Variants in ARL15 observed in about 807,000 individuals in gnomAD.
The protein encoded by ARL15 is ARF like GTPase 15.
ARL15 carries 19 observed loss-of-function variants against 25.2 expected under a neutral mutation model. The observed-to-expected ratio is 0.75, with a 90% CI of 0.53 to 1.10. ARL15 has a LOEUF of 1.10. ARL15 is among the 50% of genes least tolerant of loss of function. The probability of loss-of-function intolerance (pLI) is 0.00; values close to 1 mark genes in which losing one functional copy is unlikely to be tolerated. For synonymous variants in ARL15, 94 were observed against 86.8 expected (o/e 1.08, Z -0.46); for missense variants, 220 against 246.0 (o/e 0.89, Z 0.71).
chr5:53,980,312 C>T (rs982877237), intron 4 of ARL15, among the ~76,000 whole-genome samples: 1 of 152,132 alleles, frequency 6.6e-6, no homozygotes, highest in South Asian at 2.1e-4. Context: ...ATTTGCATTA[C>T]CTTTTTTGAT....
In ARL15 at chr5:53,973,467, G is replaced by A. The variant is rs182558813; in HGVS notation, c.463-86754C>T. On this transcript the variant is annotated intron_variant, in intron 4 of 4. Transcript: ENST00000504924. ...CGGGCGCCTGTAATTCCACCTACTC[G>A]GAAGGCTGAGGCAGGAGAATCACTT... Among the ~76,000 whole-genome samples, 737 of 151,824 alleles carry A rather than the reference G, an allele frequency of 4.9e-3. 3 individuals carry two copies. The highest frequency in any genetic ancestry group is 8.5e-3 in the Admixed American group (130 of 15,254).
chr5:54,146,067 T>A (rs1162607006), intron 3 of ARL15, among the ~76,000 whole-genome samples: 1 of 152,184 alleles, frequency 6.6e-6, no homozygotes, highest in African/African-American at 2.4e-5. Context: ...CACACCAGAC[T>A]GTAATGCTTC....
chr5:53,982,500 GC>G (rs1258276370), intron 4 of ARL15, among the ~76,000 whole-genome samples: 1 of 152,030 alleles, frequency 6.6e-6, no homozygotes, highest in Non-Finnish European at 1.5e-5. Flanking sequence ...CCATGTCCCT[GC>G]AAAGGACATG....
At position 54,071,521 on chromosome 5, in the gene ARL15, C is replaced by G. The variant is rs1296595171; in HGVS notation, c.462+41681G>C. 3.2e-3 allele frequency among the ~76,000 whole-genome samples: 358 copies of G among 112,240 alleles called. 4 individuals carry two copies. Among genetic ancestry groups the G allele is most frequent in the African/African-American group, 0.013 (289 of 22,304 alleles). 73.6% of individuals were successfully genotyped at this position (112,240 alleles called of 152,430 possible). On this transcript the variant is annotated intron_variant, in intron 4 of 4. Transcript: ENST00000504924. The stretch of plus-strand genomic sequence containing the variant: ...TCTTCCACCGCCTTTCCCCCCCCCC[C>G]CCCCGCAAAGCCAGACCCAACCTCT...
intron 3 of ARL15, among the ~76,000 whole-genome samples, chr5:54,128,934 C>A (rs1373225429): frequency 6.6e-6 from 1 of 151,896 alleles, no homozygotes. Context: ...CTCGATTTCC[C>A]AACCTCATGA....
chr5:54,274,193 T>C (rs1181420227), intron 1 of ARL15, among the ~76,000 whole-genome samples: 2 of 151,896 alleles, frequency 1.3e-5, no homozygotes. Context: ...TGAGCAGGTT[T>C]AGGGGCAGCA....
rs191927570 is a variant in ARL15 at position 54,302,607 on chromosome 5, A to G, written c.48+7825T>C. ...AGATGCCAGCCATGTATTTAGCGCT[A>G]GAAATCTGAACTGGCCTTATAAATT... On this transcript the variant is annotated intron_variant, in intron 1 of 4. Transcript: ENST00000504924. Among the ~76,000 whole-genome samples, 154 of 151,962 alleles carry G rather than the reference A, an allele frequency of 1.0e-3. 1 individual carries two copies. The highest frequency in any genetic ancestry group is 3.6e-3 in the African/African-American group (148 of 41,454).
At chr5:54,026,357 T>C (rs255760) in intron 4 of ARL15, among the ~76,000 whole-genome samples, 108,132 of 152,098 alleles carry the variant, frequency 0.71, 38,837 homozygotes, top group East Asian at 0.85. Context: ...CAGCCTTGAC[T>C]TCTCAGGCTC....
chr5:54,081,046 C>A (rs548978668), intron 4 of ARL15, among the ~76,000 whole-genome samples: 1 of 152,146 alleles, frequency 6.6e-6, no homozygotes, highest in Non-Finnish European at 1.5e-5. Flanking sequence ...CTTATGACCT[C>A]ATTTAGCCTT....
intron 3 of ARL15, among the ~76,000 whole-genome samples, chr5:54,132,268 A>C (rs1003854016): frequency 2.0e-5 from 3 of 152,110 alleles, no homozygotes; most frequent in Non-Finnish European, 4.4e-5. Flanking sequence ...GAAATATTTT[A>C]ATTCTCTCCA....
intron 4 of ARL15, among the ~76,000 whole-genome samples, chr5:54,065,483 T>C (rs1202222794): frequency 6.6e-6 from 1 of 152,016 alleles, no homozygotes; most frequent in African/African-American, 2.4e-5. Context: ...CTGGCCAACA[T>C]AGCGAAACCC....
chr5:53,917,454 C>T (rs1745689645), intron 4 of ARL15, among the ~76,000 whole-genome samples: 2 of 152,168 alleles, frequency 1.3e-5, no homozygotes, highest in South Asian at 4.1e-4. Flanking sequence ...AATCCCTCAA[C>T]ATTATCATCA....
chr5:53,986,505 G>A (rs1694065), intron 4 of ARL15, among the ~76,000 whole-genome samples: 2 of 151,934 alleles, frequency 1.3e-5, no homozygotes, highest in African/African-American at 4.8e-5. Context: ...TCCAGACATC[G>A]GATTACACTG....
intron 4 of ARL15, among the ~76,000 whole-genome samples, chr5:53,887,836 A>G (rs970501461): frequency 8.5e-5 from 13 of 152,172 alleles, no homozygotes; most frequent in Admixed American, 3.9e-4. Context: ...TGCCATGCTC[A>G]AATACGGTTT....
intron 4 of ARL15, among the ~76,000 whole-genome samples, chr5:53,936,160 T>C (rs755664270): frequency 6.6e-5 from 10 of 152,360 alleles, no homozygotes; most frequent in Middle Eastern, 3.4e-3. Flanking sequence ...AATGAAACTA[T>C]ATCTATCTTC....
chr5:54,035,585 A>G (rs1750142947), intron 4 of ARL15, among the ~76,000 whole-genome samples: 1 of 152,210 alleles, frequency 6.6e-6, no homozygotes, highest in African/African-American at 2.4e-5. Flanking sequence ...AAATTTGCAC[A>G]AATTTTCCAA....
intron 4 of ARL15, among the ~76,000 whole-genome samples, chr5:54,020,452 C>A (rs1015211885): frequency 1.3e-5 from 2 of 152,142 alleles, no homozygotes; most frequent in African/African-American, 4.8e-5. Context: ...TGCCTACCCA[C>A]CAGATGCCAA....
At chr5:54,238,373 A>G (rs1014500851) in intron 1 of ARL15, among the ~76,000 whole-genome samples, 1 of 152,074 alleles carries the variant, frequency 6.6e-6, no homozygotes, top group Middle Eastern at 3.2e-3. Context: ...ACAATCACAA[A>G]AAACAATAAG....
rs1197507523 is a variant in ARL15 at position 54,310,558 on chromosome 5, T to C, written c.-79A>G. 10 of 1,489,668 alleles carry C rather than the reference T, an allele frequency of 6.7e-6. No individual in the cohort carries two copies. Among genetic ancestry groups the C allele is most frequent in the Non-Finnish European group, 9.1e-6 (10 of 1,099,234 alleles). 92.3% of individuals were successfully genotyped at this position (1,489,668 alleles called of 1,614,324 possible). On this transcript the variant is annotated 5_prime_UTR_variant, in exon 1 of 5. Coordinates refer to ENST00000504924, the MANE Select transcript of ARL15 (RefSeq NM_019087.3). ...TCTCTGGCTGCGAGCGAGCAGCTCC[T>C]GAAAAAGCCAGCAACAGCGAAAATA...
Sources: gnomAD v4.1 joint callset for allele counts (sites outside exome capture counted in the v4.1 genomes callset) on GRCh38, gnomAD v4.1.1 for gene constraint, MANE v1.5 for transcripts, NCBI Gene and HGNC (gene_info 2026-07-23, HGNC 2026-07-21) for gene names.